The following FBXO36 variants were observed in gnomAD, a reference collection of about 807,000 sequenced individuals.
The protein encoded by FBXO36 is F-box protein 36, also known as F-box only protein 36.
A neutral mutation model predicts 17.0 loss-of-function variants in FBXO36; 18 were observed. The observed-to-expected ratio is 1.06, with a 90% confidence interval of 0.73 to 1.57. FBXO36 has a LOEUF of 1.57. Ranked by LOEUF, FBXO36 falls within the 40% of genes most tolerant of loss-of-function variation. The pLI, the probability that FBXO36 is intolerant of heterozygous loss-of-function variation, is 0.00. For missense variants in FBXO36, 229 were observed against 221.9 expected (o/e 1.03, Z -0.20); for synonymous variants, 83 against 85.3 (o/e 0.97, Z 0.15).
At chr2:229,939,869 G>C (rs1386453898) in intron 1 of FBXO36, among the ~76,000 whole-genome samples, 1 of 152,126 alleles carries the variant, frequency 6.6e-6, no homozygotes, top group Non-Finnish European at 1.5e-5. Flanking sequence ...ATCACCCGAG[G>C]TCGGGAGTTT....
chr2:229,987,721 C>T (rs2106203587), intron 2 of FBXO36, among the ~76,000 whole-genome samples: 1 of 152,172 alleles, frequency 6.6e-6, no homozygotes, highest in South Asian at 2.1e-4. Context: ...GCCTTAACCT[C>T]CTGGGCTTAA....
intron 2 of FBXO36, among the ~76,000 whole-genome samples, chr2:229,994,911 C>T (rs1285669476): frequency 3.3e-5 from 5 of 151,696 alleles, no homozygotes; most frequent in Non-Finnish European, 7.4e-5. Context: ...GTCAGGAGTT[C>T]GAGACCAGCC....
chr2:229,973,942 C>G (rs1238757820), intron 1 of FBXO36, among the ~76,000 whole-genome samples: 1 of 151,780 alleles, frequency 6.6e-6, no homozygotes, highest in East Asian at 1.9e-4. Flanking sequence ...CCCAGCTACT[C>G]AGGAGGCTGA....
intron 1 of FBXO36, among the ~76,000 whole-genome samples, chr2:229,925,257 A>G (rs2076906404): frequency 6.6e-6 from 1 of 152,122 alleles, no homozygotes; most frequent in Admixed American, 6.5e-5. Flanking sequence ...TACCAGTGAG[A>G]GTTAATCTCC....
chr2:229,977,550 A>C (rs1266335051), intron 2 of FBXO36, among the ~76,000 whole-genome samples: 1 of 152,098 alleles, frequency 6.6e-6, no homozygotes, highest in African/African-American at 2.4e-5. Context: ...TCCCAGGTTC[A>C]AGTAATTCTT....
intron 1 of FBXO36, among the ~76,000 whole-genome samples, chr2:229,949,656 T>G (rs549492299): frequency 1.8e-4 from 28 of 152,310 alleles, no homozygotes; most frequent in South Asian, 1.7e-3. Context: ...CCAGGCATGG[T>G]GGCTCACACC....
chr2:229,998,248 G>A (rs982942373), intron 3 of FBXO36, among the ~76,000 whole-genome samples: 1 of 152,132 alleles, frequency 6.6e-6, no homozygotes, highest in Non-Finnish European at 1.5e-5. Context: ...GAGGAGGGAG[G>A]ATTGGTTGAG....
intron 1 of FBXO36, among the ~76,000 whole-genome samples, chr2:229,941,279 C>A (rs945136848): frequency 2.0e-5 from 3 of 151,958 alleles, no homozygotes; most frequent in African/African-American, 7.3e-5. Context: ...CACGGTGAAA[C>A]CCCGTGTCTA....
chr2:229,943,873 G>T (rs964426811), intron 1 of FBXO36, among the ~76,000 whole-genome samples: 3 of 152,176 alleles, frequency 2.0e-5, no homozygotes, highest in Non-Finnish European at 4.4e-5. Context: ...TGTAATCCCA[G>T]TGTTGGAGGA....
At chr2:229,985,876 C>A (rs898972630) in intron 2 of FBXO36, among the ~76,000 whole-genome samples, 1 of 151,822 alleles carries the variant, frequency 6.6e-6, no homozygotes, top group Non-Finnish European at 1.5e-5. Flanking sequence ...TAGTGAGACA[C>A]TGTCTATACA....
At chr2:229,952,055 T>G (rs765821311) in intron 1 of FBXO36, among the ~76,000 whole-genome samples, 1 of 152,230 alleles carries the variant, frequency 6.6e-6, no homozygotes, top group Non-Finnish European at 1.5e-5. Flanking sequence ...TTTTTCTCCC[T>G]AACAGAACAT....
chr2:229,997,928 A>G (rs192605485), intron 3 of FBXO36, among the ~76,000 whole-genome samples: 75 of 152,198 alleles, frequency 4.9e-4, no homozygotes, highest in Middle Eastern at 6.8e-3. Flanking sequence ...AGAACCCCCA[A>G]TGCTACCCCA....
chr2:229,995,583 TC>T, intron 2 of FBXO36, among the ~76,000 whole-genome samples: 1 of 104,654 alleles, frequency 9.6e-6, no homozygotes, highest in South Asian at 3.1e-4. Flanking sequence ...TCTTTCTTTC[TC>T]TTTCTTTCTT....
chr2:229,960,964 C>G (rs895091229), intron 1 of FBXO36, among the ~76,000 whole-genome samples: 1 of 152,034 alleles, frequency 6.6e-6, no homozygotes, highest in South Asian at 2.1e-4. Context: ...CAAAAATTAG[C>G]TGGGTGTGGT....
At chr2:229,935,784 G>T (rs2076960755) in intron 1 of FBXO36, among the ~76,000 whole-genome samples, 1 of 152,178 alleles carries the variant, frequency 6.6e-6, no homozygotes, top group African/African-American at 2.4e-5. Flanking sequence ...GTTACCAAAT[G>T]TTCAAGTATC....
At chr2:230,002,893 C>A (rs1407569068) in intron 3 of FBXO36, among the ~76,000 whole-genome samples, 1 of 152,022 alleles carries the variant, frequency 6.6e-6, no homozygotes, top group Non-Finnish European at 1.5e-5. Context: ...GACCGTCTTT[C>A]AGTGGATGTT....
chr2:229,922,987 AAGG>A (rs2076812725), intron 1 of FBXO36, among the ~76,000 whole-genome samples: 1 of 152,202 alleles, frequency 6.6e-6, no homozygotes, highest in Non-Finnish European at 1.5e-5. Flanking sequence ...CAAGTGTCCC[AAGG>A]AGGAGCCGGC....
intron 1 of FBXO36, among the ~76,000 whole-genome samples, chr2:229,940,606 C>G (rs753415629): frequency 3.3e-5 from 5 of 152,144 alleles, no homozygotes; most frequent in Non-Finnish European, 7.4e-5. Context: ...AAATGAGATC[C>G]TGCTAAAGTA....
chr2:229,958,559 G>A (rs531691024), intron 1 of FBXO36, among the ~76,000 whole-genome samples: 4 of 152,208 alleles, frequency 2.6e-5, no homozygotes, highest in Admixed American at 6.5e-5. Context: ...GCGAGCCACC[G>A]CACCCTGCCG....
Sources: allele counts gnomAD v4.1 joint callset (sites outside exome capture counted in the v4.1 genomes callset), GRCh38; gene constraint gnomAD v4.1.1; transcripts MANE v1.5; gene names NCBI Gene and HGNC (gene_info 2026-07-23, HGNC 2026-07-21).